The following NRG1 variants were observed in gnomAD, a reference collection of about 807,000 sequenced individuals.
NRG1 encodes pro-neuregulin-1, membrane-bound isoform.
Under a neutral mutation model 63.8 loss-of-function variants are expected in NRG1, and 18 were observed. The ratio of observed to expected loss-of-function variants is 0.28; its 90% CI spans 0.19 to 0.42. The LOEUF (loss-of-function observed/expected upper bound fraction) is 0.42. NRG1 is among the 10% of genes least tolerant of loss of function. The probability of loss-of-function intolerance (pLI) is 1.00; values close to 1 mark genes in which losing one functional copy is unlikely to be tolerated. For synonymous variants in NRG1, 302 were observed against 301.3 expected (o/e 1.00, Z -0.02); for missense variants, 762 against 814.7 (o/e 0.94, Z 0.79).
chr8:32,307,927 C>T (rs1856400722), intron 1 of NRG1, among the ~76,000 whole-genome samples: 1 of 152,176 alleles, frequency 6.6e-6, no homozygotes, highest in African/African-American at 2.4e-5. Flanking sequence ...ACCACAAACC[C>T]TTTCCAGCCT....
chr8:32,463,843 TCA>T (rs200307508), intron 1 of NRG1, among the ~76,000 whole-genome samples: 4 of 138,862 alleles, frequency 2.9e-5, no homozygotes, highest in Non-Finnish European at 6.2e-5. Flanking sequence ...AAGACCATCT[TCA>T]CACACACACA....
intron 1 of NRG1, among the ~76,000 whole-genome samples, chr8:32,112,190 C>T (rs1489809515): frequency 1.3e-5 from 2 of 152,166 alleles, no homozygotes; most frequent in African/African-American, 4.8e-5. Flanking sequence ...ACAGAATTTA[C>T]AATAGTTGCA....
intron 1 of NRG1, among the ~76,000 whole-genome samples, chr8:31,844,594 G>A (rs1469784053): frequency 6.6e-6 from 1 of 152,212 alleles, no homozygotes; most frequent in East Asian, 1.9e-4. Flanking sequence ...ACCCAGAATG[G>A]CCTTACTGTC....
At chr8:31,692,457 A>T (rs1195132310) in intron 1 of NRG1, among the ~76,000 whole-genome samples, 2 of 152,226 alleles carry the variant, frequency 1.3e-5, no homozygotes, top group Non-Finnish European at 2.9e-5. Context: ...TTAAACAGTT[A>T]AAACACTTAT....
At chr8:31,791,217 AAAAG>A (rs1563406138) in intron 1 of NRG1, among the ~76,000 whole-genome samples, 1 of 151,800 alleles carries the variant, frequency 6.6e-6, no homozygotes, top group African/African-American at 2.4e-5. Flanking sequence ...AAAAAAAAAA[AAAAG>A]AAAGAAAAAA....
At chr8:31,942,580 T>A (rs1046613046) in intron 1 of NRG1, among the ~76,000 whole-genome samples, 3 of 151,982 alleles carry the variant, frequency 2.0e-5, no homozygotes, top group South Asian at 4.2e-4. Flanking sequence ...GCAAAAAAAA[T>A]AATCAGCAGA....
chr8:32,253,109 G>A (rs1385018200), intron 1 of NRG1, among the ~76,000 whole-genome samples: 1 of 152,132 alleles, frequency 6.6e-6, no homozygotes, highest in Non-Finnish European at 1.5e-5. Flanking sequence ...AGAAGATGGG[G>A]TTTTCTAAAT....
chr8:32,358,291 T>A (rs1375162563), intron 1 of NRG1, among the ~76,000 whole-genome samples: 2 of 150,936 alleles, frequency 1.3e-5, no homozygotes, highest in Non-Finnish European at 1.5e-5. Flanking sequence ...AGTAAGCATT[T>A]GTGCATTTAA....
chr8:32,292,833 C>T (rs1176146503), intron 1 of NRG1, among the ~76,000 whole-genome samples: 1 of 152,016 alleles, frequency 6.6e-6, no homozygotes, highest in Non-Finnish European at 1.5e-5. Context: ...GGGCTGGGCT[C>T]GGTGGCTCAC....
At chr8:32,760,722 C>G in intron 11 of NRG1, 2 of 1,127,920 alleles carry the variant, frequency 1.8e-6, no homozygotes, top group Non-Finnish European at 2.2e-6. Flanking sequence ...TCAGTGTCCT[C>G]AGTTGTAACA....
chr8:32,677,749 A>G (rs932015303), intron 5 of NRG1, among the ~76,000 whole-genome samples: 9 of 152,174 alleles, frequency 5.9e-5, no homozygotes, highest in Admixed American at 2.0e-4. Context: ...CCTGCAAACA[A>G]TTTCCACTTG....
chr8:32,094,182 G>A (rs531944980), intron 1 of NRG1, among the ~76,000 whole-genome samples: 6 of 152,214 alleles, frequency 3.9e-5, no homozygotes, highest in South Asian at 2.1e-4. Flanking sequence ...GGAAAAACCC[G>A]GCTTTCATAG....
intron 1 of NRG1, among the ~76,000 whole-genome samples, chr8:31,889,764 G>T (rs1831003687): frequency 6.6e-6 from 1 of 152,212 alleles, no homozygotes. Flanking sequence ...GCCTCCAAGT[G>T]TGTGGGCTGG....
At chr8:32,701,102 G>A (rs1814753884) in intron 5 of NRG1, among the ~76,000 whole-genome samples, 1 of 152,070 alleles carries the variant, frequency 6.6e-6, no homozygotes, top group African/African-American at 2.4e-5. Context: ...CAGAAGTCGG[G>A]TCCTGTTCAT....
intron 1 of NRG1, among the ~76,000 whole-genome samples, chr8:31,777,436 T>A (rs1311307399): frequency 6.6e-6 from 1 of 152,232 alleles, no homozygotes; most frequent in Non-Finnish European, 1.5e-5. Context: ...GAGTTGGGCA[T>A]GCGTGGGGCA....
At chr8:31,949,960 C>A (rs142957952) in intron 1 of NRG1, among the ~76,000 whole-genome samples, 1 of 152,206 alleles carries the variant, frequency 6.6e-6, no homozygotes, top group African/African-American at 2.4e-5. Flanking sequence ...AAAGCTTATA[C>A]CATCCATTAG....
chr8:31,841,624 AT>A (rs569741740), intron 1 of NRG1, among the ~76,000 whole-genome samples: 3 of 152,316 alleles, frequency 2.0e-5, no homozygotes, highest in African/African-American at 7.2e-5. Context: ...GCAATTTATG[AT>A]TTATTTAACA....
intron 1 of NRG1, among the ~76,000 whole-genome samples, chr8:31,838,471 C>T (rs946115575): frequency 3.3e-5 from 5 of 152,086 alleles, no homozygotes; most frequent in Non-Finnish European, 5.9e-5. Flanking sequence ...TTGTCTATTT[C>T]AAAAACAATT....
At chr8:32,334,869 T>C (rs116627079) in intron 1 of NRG1, among the ~76,000 whole-genome samples, 1,791 of 152,300 alleles carry the variant, frequency 0.012, 33 homozygotes, top group African/African-American at 0.035. Context: ...ATAAGTTCTT[T>C]TGGCAAATCT....
Sources: allele counts gnomAD v4.1 joint callset (sites outside exome capture counted in the v4.1 genomes callset), GRCh38; gene constraint gnomAD v4.1.1; transcripts MANE v1.5; gene names NCBI Gene and HGNC (gene_info 2026-07-23, HGNC 2026-07-21).